PLPPR1: variants seen among roughly 807,000 people sequenced by gnomAD.
The protein encoded by PLPPR1 is phospholipid phosphatase-related protein type 1.
A neutral mutation model predicts 33.1 loss-of-function variants in PLPPR1; 10 were observed. That is an observed-to-expected ratio of 0.30 (90% CI 0.19 to 0.51). The LOEUF is 0.51. Ranked by LOEUF, PLPPR1 falls within the 20% of genes least tolerant of loss-of-function variation. The pLI is 0.97. For synonymous variants in PLPPR1, 151 were observed against 151.0 expected, an observed-to-expected ratio of 1.00 and a Z score of 0.00; for missense variants, 304 against 408.1, an observed-to-expected ratio of 0.74 and a Z score of 2.20.
intron 1 of PLPPR1, among the ~76,000 whole-genome samples, chr9:101,106,304 G>T (rs1313813869): frequency 7.5e-6 from 1 of 133,992 alleles, no homozygotes; most frequent in East Asian, 2.4e-4. Flanking sequence ...TCCTTTCCAT[G>T]TTTAGCGCTT....
intron 1 of PLPPR1, among the ~76,000 whole-genome samples, chr9:101,077,408 T>C (rs545925898): frequency 1.1e-4 from 16 of 152,250 alleles, no homozygotes; most frequent in Non-Finnish European, 1.9e-4. Context: ...TTTGTTTTCT[T>C]TGTTTTCTTT....
intron 2 of PLPPR1, among the ~76,000 whole-genome samples, chr9:101,244,484 TCATCACCCAGTATCTGAG>T (rs1055573447): frequency 4.0e-5 from 6 of 151,828 alleles, no homozygotes; most frequent in East Asian, 1.9e-4. Flanking sequence ...CGCTCTCTCA[TCATCACCCAGTATCTGAG>T]CATCACCCAG....
At chr9:101,295,340 T>C (rs2118931477) in intron 4 of PLPPR1, among the ~76,000 whole-genome samples, 1 of 151,866 alleles carries the variant, frequency 6.6e-6, no homozygotes, top group Admixed American at 6.6e-5. Flanking sequence ...TGCTCATGGG[T>C]AGGAAGAATC....
chr9:101,042,187 A>G (rs1284536340), intron 1 of PLPPR1, among the ~76,000 whole-genome samples: 2 of 152,186 alleles, frequency 1.3e-5, no homozygotes, highest in Admixed American at 6.5e-5. Context: ...AGCTTTTTCA[A>G]TAGAGCATTT....
chr9:101,218,376 G>T (rs1232069152), intron 2 of PLPPR1, among the ~76,000 whole-genome samples: 1 of 152,192 alleles, frequency 6.6e-6, no homozygotes, highest in Non-Finnish European at 1.5e-5. Context: ...TCAGAATACA[G>T]TCTTTGAGTT....
intron 2 of PLPPR1, among the ~76,000 whole-genome samples, chr9:101,248,701 T>G (rs1827658555): frequency 6.6e-6 from 1 of 152,054 alleles, no homozygotes; most frequent in African/African-American, 2.4e-5. Context: ...TTTCTCTAAT[T>G]CAAATCTCTA....
chr9:101,314,848 T>A (rs539543040), intron 6 of PLPPR1, among the ~76,000 whole-genome samples: 1 of 151,950 alleles, frequency 6.6e-6, no homozygotes, highest in African/African-American at 2.4e-5. Context: ...CTTCCTATAG[T>A]GAAAGATGAA....
intron 3 of PLPPR1, among the ~76,000 whole-genome samples, chr9:101,282,181 CA>C (rs1485650332): frequency 6.6e-6 from 1 of 152,132 alleles, no homozygotes; most frequent in Non-Finnish European, 1.5e-5. Context: ...CCTAACAAAT[CA>C]AACTTAACAG....
At chr9:101,151,412 T>C (rs1359551530) in intron 1 of PLPPR1, among the ~76,000 whole-genome samples, 1 of 152,212 alleles carries the variant, frequency 6.6e-6, no homozygotes, top group African/African-American at 2.4e-5. Flanking sequence ...GCTTCAAATA[T>C]TTGTACTTAT....
chr9:101,237,852 GTGTA>G (rs1279762296), intron 2 of PLPPR1, among the ~76,000 whole-genome samples: 2 of 122,658 alleles, frequency 1.6e-5, no homozygotes, highest in East Asian at 2.4e-4. Flanking sequence ...ATATGTGTGT[GTGTA>G]TATATATATA....
chr9:101,159,762 T>C (rs117288751), intron 1 of PLPPR1, among the ~76,000 whole-genome samples: 2 of 152,306 alleles, frequency 1.3e-5, no homozygotes, highest in East Asian at 3.9e-4. Flanking sequence ...AGGGATATTG[T>C]GTACAATGCT....
At chr9:101,173,582 C>A (rs1053820962) in intron 1 of PLPPR1, among the ~76,000 whole-genome samples, 1 of 152,066 alleles carries the variant, frequency 6.6e-6, no homozygotes. Flanking sequence ...TTCAGATTTC[C>A]CTCTGTTAGG....
intron 2 of PLPPR1, among the ~76,000 whole-genome samples, chr9:101,186,616 C>A (rs996623700): frequency 6.6e-6 from 1 of 151,844 alleles, no homozygotes; most frequent in African/African-American, 2.4e-5. Context: ...AACACTTAGA[C>A]AAGAACTTTT....
intron 2 of PLPPR1, among the ~76,000 whole-genome samples, chr9:101,199,748 A>C (rs943995952): frequency 2.0e-5 from 3 of 152,194 alleles, no homozygotes; most frequent in Non-Finnish European, 4.4e-5. Context: ...GTTAGCCTGT[A>C]TGGAGATTCA....
intron 1 of PLPPR1, among the ~76,000 whole-genome samples, chr9:101,035,955 A>G (rs1269397216): frequency 1.3e-5 from 2 of 152,094 alleles, no homozygotes; most frequent in Non-Finnish European, 2.9e-5. Flanking sequence ...CTAATTTCAG[A>G]CCCAGATTCT....
At chr9:101,212,704 T>C (rs1318372923) in intron 2 of PLPPR1, among the ~76,000 whole-genome samples, 1 of 152,188 alleles carries the variant, frequency 6.6e-6, no homozygotes, top group African/African-American at 2.4e-5. Flanking sequence ...TCAAGGATCA[T>C]TGTGTAACTA....
intron 1 of PLPPR1, among the ~76,000 whole-genome samples, chr9:101,071,768 A>T (rs1165997713): frequency 2.0e-5 from 3 of 152,192 alleles, no homozygotes; most frequent in Admixed American, 2.0e-4. Flanking sequence ...GCATGAAGGC[A>T]AACAATCTAA....
chr9:101,311,159 A>C lies in PLPPR1; in HGVS notation c.637-1639A>C, dbSNP rs551559080. ...TTTTTATAGTACCATTATAAAAATT[A>C]TTCTGTTACTTATAATAAACTACTG... On this transcript the variant is annotated intron_variant, in intron 5 of 7. Coordinates refer to ENST00000374874, the MANE Select transcript of PLPPR1 (RefSeq NM_207299.2). Among the ~76,000 whole-genome samples the C allele has an allele frequency of 4.0e-5, 6 of 150,948 alleles. No homozygotes were observed. The South Asian group carries it at 1.3e-3, about 32-fold the overall frequency.
chr9:101,313,380 TAGA>T (rs1197178344), intron 6 of PLPPR1, among the ~76,000 whole-genome samples: 1 of 152,190 alleles, frequency 6.6e-6, no homozygotes, highest in African/African-American at 2.4e-5. Flanking sequence ...AGAGCACTGG[TAGA>T]AGCAAGCAGC....
Sources: allele counts gnomAD v4.1 joint callset (sites outside exome capture counted in the v4.1 genomes callset), GRCh38; gene constraint gnomAD v4.1.1; transcripts MANE v1.5; gene names NCBI Gene and HGNC (gene_info 2026-07-23, HGNC 2026-07-21).